The following HDAC7 variants were observed in gnomAD, a reference collection of about 807,000 sequenced individuals.
HDAC7 encodes the protein histone deacetylase 7A.
In HDAC7, 26 loss-of-function variants were observed where a neutral mutation model predicts 115.5. The observed-to-expected ratio is 0.23, with a 90% CI of 0.16 to 0.31. The LOEUF is 0.31. Ranked by LOEUF, HDAC7 falls within the 10% of genes least tolerant of loss-of-function variation. HDAC7 has a pLI of 1.00. For missense variants in HDAC7, 1,068 were observed against 1,329.0 expected (o/e 0.80, Z 3.05); for synonymous variants, 564 against 550.9 (o/e 1.02, Z -0.33).
intron 2 of HDAC7, 184 bp from the exon 3 acceptor site, chr12:47,799,156 C>T (rs567404665): frequency 2.9e-5 from 16 of 552,962 alleles, no homozygotes; most frequent in Admixed American, 3.7e-5. Context: ...CCATTTTACT[C>T]GTGAGAAAAA....
chr12:47,798,309 T>A lies in HDAC7; in HGVS notation c.350-90A>T. On this transcript the variant is annotated intron_variant, in intron 4 of 25. Transcript: ENST00000080059. This position sits in a 1 kb window ranked among gnomAD's most constrained non-coding sequence, Gnocchi z 4.3. Reference sequence around the variant, plus strand: ...GCCACTGCCCTGTCCCCATCCTCAGTAGGAGGCGTCCCAGGGACTCCCTAG... The same window carrying A: ...GCCACTGCCCTGTCCCCATCCTCAGAAGGAGGCGTCCCAGGGACTCCCTAG... The A allele has an allele frequency of 9.1e-7, 1 of 1,099,054 alleles. No individual in the cohort carries two copies. Among genetic ancestry groups the A allele is most frequent in the Non-Finnish European group, 1.4e-6 (1 of 721,856 alleles). The allele number at this position is 1,099,054 out of a possible 1,614,324, so 68.1% of individuals were successfully genotyped here.
chr12:47,815,553 C>G (rs1209633534), intron 1 of HDAC7, among the ~76,000 whole-genome samples: 2 of 152,242 alleles, frequency 1.3e-5, no homozygotes, highest in Non-Finnish European at 2.9e-5. Context: ...CTGTTAAAAT[C>G]TGGATTCCCA....
intron 7 of HDAC7, 63 bp from the exon 8 acceptor site, chr12:47,796,361 G>T: frequency 7.8e-7 from 1 of 1,281,922 alleles, no homozygotes; most frequent in Non-Finnish European, 1.1e-6. Context: ...GGTACAGCCA[G>T]GCCGCCTGGT....
In HDAC7 at chr12:47,819,657, CGAGCCG is replaced by C. The variant is rs1031789872; in HGVS notation, c.19+104_19+109del. On this transcript the variant is annotated intron_variant, in intron 1 of 25. Coordinates refer to ENST00000080059, the MANE Select transcript of HDAC7 (RefSeq NM_015401.5). The stretch of plus-strand genomic sequence containing the variant: ...TGGGCCCGCGGGGCTGGCGGGAGCC[CGAGCCG>C]GAGCCGGAGCCGGAGCCGGGGCCAG... The C allele has an allele frequency of 7.9e-3, 1,408 of 179,344 alleles. 21 individuals carry two copies. The highest frequency in any genetic ancestry group is 0.032 in the African/African-American group (1,323 of 41,810). 11.1% of individuals were successfully genotyped at this position (179,344 alleles called of 1,614,324 possible).
intron 1 of HDAC7, among the ~76,000 whole-genome samples, chr12:47,818,800 G>T (rs180730186): frequency 4.3e-4 from 66 of 152,322 alleles, no homozygotes; most frequent in African/African-American, 1.5e-3. Flanking sequence ...CTTTGGGTGC[G>T]CAAGACAGCC....
chr12:47,818,983 A>T (rs1443436913), intron 1 of HDAC7: 5 of 152,416 alleles, frequency 3.3e-5, no homozygotes, highest in Non-Finnish European at 5.9e-5. Context: ...CATCCGCCAA[A>T]TTTGCCGCCT....
chr12:47,799,508 C>T (rs1328017289), intron 2 of HDAC7, among the ~76,000 whole-genome samples: 4 of 152,224 alleles, frequency 2.6e-5, no homozygotes, highest in African/African-American at 7.2e-5. Flanking sequence ...GCTCTATCCC[C>T]AGTCATGAGA....
chr12:47,798,863 G>T lies in HDAC7; in HGVS notation c.180C>A (p.Ala60=). ...VEPPPEPTLL[A]LQRPQRLHHH... is the part of the protein sequence containing the mutation. ...GGTGCAGGCGCTGGGGACGCTGCAG[G>T]GCCAGCAATGTGGGCTCTGGTGGGG... The change falls in exon 3 of 26, where the codon GCC becomes GCA. Residue 60 remains alanine, a synonymous_variant. Transcript: ENST00000080059. The surrounding 1 kb of genome is among the most constrained non-coding windows in gnomAD (Gnocchi z 4.3). 1 of 1,555,958 alleles carries T rather than the reference G, an allele frequency of 6.4e-7. No individual in the cohort carries two copies. Among genetic ancestry groups the T allele is most frequent in the Non-Finnish European group, 8.7e-7 (1 of 1,151,148 alleles).
In HDAC7 at chr12:47,798,707, G is replaced by A; in HGVS notation, c.259-55C>T. On this transcript the variant is annotated intron_variant, in intron 3 of 25. Transcript: ENST00000080059. The surrounding 1 kb of genome is among the most constrained non-coding windows in gnomAD (Gnocchi z 4.3). ...GACAAGGAGTTGAGGACTGAGACTG[G>A]TGTCTAGGGATGCTGAAGGCGGGGA... 1.3e-6 allele frequency: 2 copies of A among 1,576,642 alleles called. No individual in the cohort carries two copies. The highest frequency in any genetic ancestry group is 1.7e-6 in the Non-Finnish European group (2 of 1,159,560).
In HDAC7 at chr12:47,791,281, A is replaced by G. The variant is rs1221007467; in HGVS notation, c.1961T>C (p.Met654Thr). 6.2e-7 allele frequency: 1 copy of G among 1,601,686 alleles called. No homozygotes were observed. Among genetic ancestry groups the G allele is most frequent in the South Asian group, 1.1e-5 (1 of 88,818 alleles). ...TACCCCAACCCCACCACAGGGCAGC[A>G]TCACAAACATCCGCTGTGCCAGGAG... ...AGLLAQRMFV[M>T]LPCGGVGVDT... Residue 654 changes from methionine (M) to threonine (T), a missense_variant, in exon 16 of 26, where the codon ATG (methionine) becomes ACG (threonine). Physicochemically the swap from Met to Thr is moderately conservative, Grantham distance 81. Around this residue, in one of 6 missense-constraint regions of HDAC7, gnomAD observed 618 missense variants for 701.5 expected, o/e 0.88. Coordinates refer to ENST00000080059, the MANE Select transcript of HDAC7 (RefSeq NM_015401.5).
chr12:47,784,866 C>A, intron 24 of HDAC7: 1 of 1,173,114 alleles, frequency 8.5e-7, no homozygotes, highest in Admixed American at 2.1e-5. Flanking sequence ...CTACCCAGCC[C>A]TTGATATGGG....
At chr12:47,788,367 G>A (rs1943290510) in intron 19 of HDAC7, 2 of 471,324 alleles carry the variant, frequency 4.2e-6, no homozygotes, top group South Asian at 9.0e-5. Context: ...GTGCTGGACA[G>A]GGCTGGCTGT....
intron 13 of HDAC7, 123 bp from the exon 14 acceptor site, chr12:47,792,127 C>T (rs956479361): frequency 9.0e-7 from 1 of 1,110,444 alleles, no homozygotes; most frequent in African/African-American, 1.6e-5. Flanking sequence ...GTACACACCC[C>T]TCACACCCAC....
In HDAC7 at chr12:47,795,376, G is replaced by C; in HGVS notation, c.1092C>G (p.Pro364=). The C allele has an allele frequency of 2.5e-6, 4 of 1,593,848 alleles. No individual in the cohort carries two copies. Among genetic ancestry groups the C allele is most frequent in the Non-Finnish European group, 3.4e-6 (4 of 1,169,786 alleles). ...SGSHAPLLTV[P]GLGPLPFHFA... Reference sequence around the variant, plus strand: ...AGTGGAAGGGCAAGGGCCCAAGCCCGGGCACTGGAAAGAATCGGGGGGTGG... The same window carrying C: ...AGTGGAAGGGCAAGGGCCCAAGCCCCGGCACTGGAAAGAATCGGGGGGTGG... Residue 364 remains proline (P), a synonymous_variant, in exon 11 of 26, where the codon CCC becomes CCG. Transcript: ENST00000080059. This position sits in a 1 kb window ranked among gnomAD's most constrained non-coding sequence, Gnocchi z 4.3.
Position 47,791,877 on chromosome 12 carries a change from C to T in HDAC7, c.1806G>A (p.Gln602=). 6.2e-7 allele frequency: 1 copy of T among 1,607,724 alleles called. No individual in the cohort carries two copies. The highest frequency in any genetic ancestry group is 8.5e-7 in the Non-Finnish European group (1 of 1,177,342). The stretch of plus-strand genomic sequence containing the variant: ...CCCACCCGCGCCTCCTCACCTCACA[C>T]TGGCTCCGGAGCCCCCGCTCCTGCA... The part of the protein sequence containing the change: ...SRLQERGLRS[Q]CECLRGRKAS... Residue 602 remains glutamine (Q), a synonymous_variant, in exon 14 of 26, where the codon CAG becomes CAA. Coordinates refer to ENST00000080059, the MANE Select transcript of HDAC7 (RefSeq NM_015401.5).
At chr12:47,794,961 G>GA (rs1943728069) in intron 11 of HDAC7, 28 bp from the exon 12 acceptor site, 1 of 1,597,070 alleles carries the variant, frequency 6.3e-7, no homozygotes, top group Non-Finnish European at 8.5e-7. Context: ...TGGCTGAGAA[G>GA]CCATGGTGGA....
In HDAC7 at chr12:47,805,259, G is replaced by GC. The variant is rs143391133; in HGVS notation, c.20-2986_20-2985insG. ...TAAATTTTTTTTGTTTTGTTTTGTT[G>GC]TTTTTTTTTTTGTAGAGACGAAGTC... On this transcript the variant is annotated intron_variant, in intron 1 of 25. Transcript: ENST00000080059. Among the ~76,000 whole-genome samples the GC allele has an allele frequency of 2.0e-5, 3 of 147,270 alleles. No homozygotes were observed. The East Asian group carries it at 6.0e-4, about 30-fold the overall frequency.
At chr12:47,802,627 C>T (rs1592677997) in intron 1 of HDAC7, 1 of 686,510 alleles carries the variant, frequency 1.5e-6, no homozygotes, top group East Asian at 2.8e-5. Flanking sequence ...AAACCAGGCT[C>T]CCATCGCCCG....
At position 47,798,366 on chromosome 12, in the gene HDAC7, C is replaced by T; in HGVS notation, c.350-147G>A. The T allele has an allele frequency of 3.8e-6, 3 of 785,900 alleles. No individual in the cohort carries two copies. The highest frequency in any genetic ancestry group is 6.3e-6 in the Non-Finnish European group (3 of 472,772). The allele number at this position is 785,900 out of a possible 1,614,324, so 48.7% of individuals were successfully genotyped here. On this transcript the variant is annotated intron_variant, in intron 4 of 25. Coordinates refer to ENST00000080059, the MANE Select transcript of HDAC7 (RefSeq NM_015401.5). This position sits in a 1 kb window ranked among gnomAD's most constrained non-coding sequence, Gnocchi z 4.3. Reference sequence around the variant, plus strand: ...GCCAAGCCCGAGGCCCTACCCCTCCCTAGAGCCTCCAGACACCACCCCCCA... The same window carrying T: ...GCCAAGCCCGAGGCCCTACCCCTCCTTAGAGCCTCCAGACACCACCCCCCA...
Sources: gnomAD v4.1 joint callset for allele counts (sites outside exome capture counted in the v4.1 genomes callset) on GRCh38, gnomAD v4.1.1 for gene constraint, gnomAD v4.1.1 regional missense constraint, Gnocchi (gnomAD v3.1) non-coding constraint, MANE v1.5 for transcripts, NCBI Gene and HGNC (gene_info 2026-07-23, HGNC 2026-07-21) for gene names.